ARHGAP42: variants seen among roughly 807,000 people sequenced by gnomAD.
ARHGAP42 encodes the protein rho GTPase-activating protein 42.
A neutral mutation model predicts 125.0 loss-of-function variants in ARHGAP42; 63 were observed. The observed-to-expected ratio is 0.50, with a 90% CI of 0.41 to 0.62. The LOEUF is 0.62. Ranked by LOEUF, ARHGAP42 falls within the 20% of genes least tolerant of loss-of-function variation. ARHGAP42 has a pLI of 0.00. For synonymous variants in ARHGAP42, 339 were observed against 351.0 expected (o/e 0.97, Z 0.38); for missense variants, 766 against 1,024.2 (o/e 0.75, Z 3.44).
Position 100,687,507 on chromosome 11 carries a change from G to C in ARHGAP42, c.-172G>C, listed in dbSNP as rs995689658. On this transcript the variant is annotated 5_prime_UTR_variant, in exon 1 of 24. Transcript: ENST00000298815. ...GCCTCGGGGGAGGAAGACTGAGCCC[G>C]GCGCAGGCGGCGCGGCGCTCGGGGC... 2 of 347,888 alleles carry C rather than the reference G, an allele frequency of 5.7e-6. No individual in the cohort carries two copies. Among genetic ancestry groups the C allele is most frequent in the South Asian group, 2.6e-4 (2 of 7,790 alleles). The allele number at this position is 347,888 out of a possible 1,614,324, so 21.6% of individuals were successfully genotyped here. A position where few individuals can be genotyped will look rare whatever the true frequency, so the allele number is the denominator to read the frequency against.
intron 1 of ARHGAP42, among the ~76,000 whole-genome samples, chr11:100,722,668 C>T (rs1485990244): frequency 6.6e-6 from 1 of 152,108 alleles, no homozygotes; most frequent in Non-Finnish European, 1.5e-5. Context: ...GGATTACAGG[C>T]GCAAGCCACC....
At chr11:100,966,145 G>A (rs939492522) in intron 17 of ARHGAP42, among the ~76,000 whole-genome samples, 4 of 151,936 alleles carry the variant, frequency 2.6e-5, no homozygotes, top group Non-Finnish European at 4.4e-5. Context: ...AAGTCAACAG[G>A]TTCCCCTAGG....
intron 4 of ARHGAP42, among the ~76,000 whole-genome samples, chr11:100,898,105 GT>G (rs1320527269): frequency 2.0e-5 from 3 of 152,216 alleles, no homozygotes; most frequent in East Asian, 1.9e-4. Context: ...TAATCATGGG[GT>G]TTTTGTGTTT....
chr11:100,923,862 CAG>C (rs1867347393), intron 6 of ARHGAP42, among the ~76,000 whole-genome samples: 1 of 152,090 alleles, frequency 6.6e-6, no homozygotes, highest in Non-Finnish European at 1.5e-5. Context: ...TTTCTAGCCT[CAG>C]AGTCTCATCC....
chr11:100,901,565 C>T (rs1866550003), intron 4 of ARHGAP42, among the ~76,000 whole-genome samples: 1 of 152,178 alleles, frequency 6.6e-6, no homozygotes, highest in Admixed American at 6.5e-5. Flanking sequence ...GCAGTGGGCT[C>T]TGCCCTGTTC....
intron 7 of ARHGAP42, among the ~76,000 whole-genome samples, chr11:100,933,988 T>C (rs1262935847): frequency 1.3e-5 from 2 of 152,148 alleles, no homozygotes; most frequent in Non-Finnish European, 2.9e-5. Flanking sequence ...GGTTTCACCA[T>C]GTTGGTCAGG....
At chr11:100,778,655 T>C (rs553756359) in intron 2 of ARHGAP42, among the ~76,000 whole-genome samples, 1 of 152,222 alleles carries the variant, frequency 6.6e-6, no homozygotes, top group Admixed American at 6.5e-5. Flanking sequence ...ACATTTCAGG[T>C]GGTGTTCCTC....
chr11:100,936,224 A>G lies in ARHGAP42; in HGVS notation c.724A>G (p.Thr242Ala). ...LQNTRNNFES[T>A]RQEVERLMQR... ...TAAGACAAGGAATAATTTTGAAAGT[A>G]CTCGACAAGAGGTAGAGCGGTTGAT... Residue 242 changes from threonine (T) to alanine (A), a missense_variant, in exon 8 of 24, where the codon ACT becomes GCT. By Grantham distance (58) the Thr-to-Ala change is moderately conservative. Coordinates refer to ENST00000298815, the MANE Select transcript of ARHGAP42 (RefSeq NM_152432.4). 3.9e-6 allele frequency: 6 copies of G among 1,551,740 alleles called. No homozygotes were observed. Among genetic ancestry groups the G allele is most frequent in the Non-Finnish European group, 5.2e-6 (6 of 1,146,928 alleles).
intron 13 of ARHGAP42, among the ~76,000 whole-genome samples, chr11:100,960,526 G>T (rs1422681080): frequency 6.6e-6 from 1 of 152,102 alleles, no homozygotes; most frequent in Non-Finnish European, 1.5e-5. Flanking sequence ...TGAATTCTCT[G>T]AATCTGTTTC....
intron 5 of ARHGAP42, among the ~76,000 whole-genome samples, chr11:100,915,592 C>T (rs1410406014): frequency 6.6e-6 from 1 of 152,124 alleles, no homozygotes; most frequent in Non-Finnish European, 1.5e-5. Flanking sequence ...TCAATTTTTC[C>T]TGACAACTTA....
At chr11:100,698,687 A>T (rs73001993) in intron 1 of ARHGAP42, among the ~76,000 whole-genome samples, 5 of 152,034 alleles carry the variant, frequency 3.3e-5, no homozygotes, top group Non-Finnish European at 7.4e-5. Context: ...CGTTTAAAAA[A>T]AAGGGTCATT....
At chr11:100,796,024 C>T (rs187899749) in intron 3 of ARHGAP42, among the ~76,000 whole-genome samples, 2 of 152,266 alleles carry the variant, frequency 1.3e-5, no homozygotes, top group East Asian at 3.9e-4. Flanking sequence ...CCACATTTTG[C>T]AGATAATGTG....
At chr11:100,909,854 A>C (rs1341898678) in intron 4 of ARHGAP42, among the ~76,000 whole-genome samples, 1 of 152,114 alleles carries the variant, frequency 6.6e-6, no homozygotes, top group Non-Finnish European at 1.5e-5. Flanking sequence ...TGTGTATTTT[A>C]ATATATTTTT....
chr11:100,864,415 C>G (rs1206178621), intron 4 of ARHGAP42, among the ~76,000 whole-genome samples: 1 of 152,134 alleles, frequency 6.6e-6, no homozygotes, highest in Non-Finnish European at 1.5e-5. Flanking sequence ...CTCCTGACCT[C>G]AAGTGATCCG....
chr11:100,882,730 AC>A (rs1865991932), intron 4 of ARHGAP42, among the ~76,000 whole-genome samples: 1 of 151,652 alleles, frequency 6.6e-6, no homozygotes, highest in South Asian at 2.1e-4. Flanking sequence ...CTGGTCCTGG[AC>A]TTTTTTTTGT....
intron 2 of ARHGAP42, among the ~76,000 whole-genome samples, chr11:100,770,978 G>A (rs1056139508): frequency 6.6e-6 from 1 of 152,200 alleles, no homozygotes; most frequent in African/African-American, 2.4e-5. Context: ...ACTCAGGTCA[G>A]CCGAGCTTTG....
At chr11:100,873,132 G>C (rs1168700442) in intron 4 of ARHGAP42, among the ~76,000 whole-genome samples, 2 of 152,156 alleles carry the variant, frequency 1.3e-5, no homozygotes, top group African/African-American at 4.8e-5. Context: ...GGGGAAAATG[G>C]CATCCCTGGC....
intron 4 of ARHGAP42, among the ~76,000 whole-genome samples, chr11:100,861,812 T>C (rs1865452208): frequency 6.6e-6 from 1 of 152,178 alleles, no homozygotes; most frequent in South Asian, 2.1e-4. Flanking sequence ...TTAGCAGGTG[T>C]GTATTCGGAT....
chr11:100,959,813 A>T (rs1193070752), intron 12 of ARHGAP42, 70 bp from the exon 13 acceptor site: 1 of 1,419,152 alleles, frequency 7.0e-7, no homozygotes, highest in South Asian at 1.2e-5. Context: ...AGGCCCAGTG[A>T]ACAGAGCCAA....
Sources: gnomAD v4.1 joint callset for allele counts (sites outside exome capture counted in the v4.1 genomes callset) on GRCh38, gnomAD v4.1.1 for gene constraint, MANE v1.5 for transcripts, NCBI Gene and HGNC (gene_info 2026-07-23, HGNC 2026-07-21) for gene names.